The following MED27 variants were observed in gnomAD, a reference collection of about 807,000 sequenced individuals.
MED27 encodes the protein mediator complex subunit 27.
In MED27, 30 loss-of-function variants were observed where a neutral mutation model predicts 38.2. The observed-to-expected ratio is 0.79, with a 90% CI of 0.59 to 1.07. The LOEUF (loss-of-function observed/expected upper bound fraction) is 1.07, where lower values mean the gene tolerates loss of function less well. MED27 is among the 50% of genes least tolerant of loss of function. The pLI is 0.00. For missense variants in MED27, 289 were observed against 397.5 expected (o/e 0.73, Z 2.32); for synonymous variants, 122 against 153.5 (o/e 0.79, Z 1.52).
chr9:131,912,205 C>A (rs749603057), intron 4 of MED27, among the ~76,000 whole-genome samples: 1 of 152,148 alleles, frequency 6.6e-6, no homozygotes, highest in Admixed American at 6.5e-5. Context: ...TGTGGTCAAG[C>A]ATGTCCAGGA....
chr9:131,915,429 G>A (rs1029936300), intron 4 of MED27, among the ~76,000 whole-genome samples: 5 of 152,226 alleles, frequency 3.3e-5, no homozygotes, highest in African/African-American at 1.2e-4. Context: ...GCAGACACAA[G>A]AACTGTCACC....
In MED27 at chr9:131,860,512, G is replaced by A. The variant is rs751407431; in HGVS notation, c.*26C>T. 2.0e-4 allele frequency: 303 copies of A among 1,496,330 alleles called. No homozygotes were observed. Among genetic ancestry groups the A allele is most frequent in the Non-Finnish European group, 2.6e-4 (290 of 1,123,094 alleles). The allele number at this position is 1,496,330 out of a possible 1,614,324, so 92.7% of individuals were successfully genotyped here. Reference sequence around the variant, plus strand: ...CGTGTCTGGGAAGGTGCTGGGTGGGGTCTGAGGCTGGGGCCAGCGTGGGGG... The same window carrying A: ...CGTGTCTGGGAAGGTGCTGGGTGGGATCTGAGGCTGGGGCCAGCGTGGGGG... On this transcript the variant is annotated 3_prime_UTR_variant, in exon 8 of 8. Coordinates refer to ENST00000292035, the MANE Select transcript of MED27 (RefSeq NM_004269.4). This position sits in a 1 kb window ranked among gnomAD's most constrained non-coding sequence, Gnocchi z 5.8.
chr9:131,860,399 G>GCA lies in MED27; in HGVS notation c.*137_*138dup. ...AGTCTGCTCTTCAAGAGTGGCCTCT[G>GCA]CACACATGGCGCTGCTTTATGAAAG... is the stretch of plus-strand genomic sequence containing the variant. On this transcript the variant is annotated 3_prime_UTR_variant, in exon 8 of 8. Transcript: ENST00000292035. This position sits in a 1 kb window ranked among gnomAD's most constrained non-coding sequence, Gnocchi z 5.8. 9.8e-7 allele frequency: 1 copy of GCA among 1,016,248 alleles called. No individual in the cohort carries two copies. The highest frequency in any genetic ancestry group is 1.8e-5 in the South Asian group (1 of 54,614). 63.0% of individuals were successfully genotyped at this position (1,016,248 alleles called of 1,614,324 possible). A position where few individuals can be genotyped will look rare whatever the true frequency, so the allele number is the denominator to read the frequency against.
chr9:132,053,700 A>G (rs192243823), intron 2 of MED27, among the ~76,000 whole-genome samples: 10 of 152,212 alleles, frequency 6.6e-5, no homozygotes, highest in Admixed American at 6.5e-4. Flanking sequence ...ACTCTGGGCC[A>G]CACTCCCCAT....
intron 4 of MED27, among the ~76,000 whole-genome samples, chr9:131,921,484 C>T (rs1236085953): frequency 2.6e-5 from 4 of 152,170 alleles, no homozygotes; most frequent in Admixed American, 2.0e-4. Flanking sequence ...GATACCATCT[C>T]GCACCAGTTA....
chr9:132,004,278 A>G (rs1052154459), intron 3 of MED27, among the ~76,000 whole-genome samples: 8 of 152,222 alleles, frequency 5.3e-5, no homozygotes, highest in African/African-American at 1.9e-4. Context: ...CATTTAAAAC[A>G]AAATGTCCCT....
At chr9:131,864,012 A>G (rs1838695420) in intron 6 of MED27, among the ~76,000 whole-genome samples, 1 of 152,184 alleles carries the variant, frequency 6.6e-6, no homozygotes, top group South Asian at 2.1e-4. Flanking sequence ...CCAAGGAGCA[A>G]AGGGGCTGGC....
intron 4 of MED27, among the ~76,000 whole-genome samples, chr9:131,901,326 G>C (rs78095714): frequency 6.6e-6 from 1 of 152,288 alleles, no homozygotes; most frequent in Non-Finnish European, 1.5e-5. Context: ...CTGATTCACA[G>C]AATCATAGAA....
rs568100567 is a variant in MED27, at chr9:131,860,231, C to T, written c.*307G>A. ...AAGGGCTCATTCCAGTAACAGCTCG[C>T]GGAGACGACAGACACCAGCACTGCC... On this transcript the variant is annotated 3_prime_UTR_variant, in exon 8 of 8. Transcript: ENST00000292035. The surrounding 1 kb of genome is among the most constrained non-coding windows in gnomAD (Gnocchi z 5.8). 1.4e-5 allele frequency: 4 copies of T among 281,998 alleles called. No homozygotes were observed. The highest frequency in any genetic ancestry group is 4.4e-5 in the African/African-American group (2 of 45,840). The allele number at this position is 281,998 out of a possible 1,614,324, so 17.5% of individuals were successfully genotyped here.
At chr9:131,969,924 G>A (rs982951071) in intron 3 of MED27, among the ~76,000 whole-genome samples, 2 of 152,232 alleles carry the variant, frequency 1.3e-5, no homozygotes, top group East Asian at 3.9e-4. Flanking sequence ...GCATATAGGT[G>A]GGCAGCACCA....
intron 3 of MED27, among the ~76,000 whole-genome samples, chr9:131,974,467 T>A (rs1226286651): frequency 6.6e-6 from 1 of 152,160 alleles, no homozygotes; most frequent in Non-Finnish European, 1.5e-5. Context: ...CCCAGGACAC[T>A]GGGGATGTGT....
At chr9:131,949,423 ACTC>A (rs1356146238) in intron 3 of MED27, among the ~76,000 whole-genome samples, 1 of 151,652 alleles carries the variant, frequency 6.6e-6, no homozygotes, top group Non-Finnish European at 1.5e-5. Flanking sequence ...CAAGCAGAAA[ACTC>A]CTGTTTTACA....
intron 4 of MED27, among the ~76,000 whole-genome samples, chr9:131,903,965 C>G (rs1830002808): frequency 6.7e-6 from 1 of 149,872 alleles, no homozygotes; most frequent in South Asian, 2.1e-4. Flanking sequence ...GTGGCGTGAT[C>G]TCGGCTCACT....
At chr9:132,007,277 CTT>C (rs953209260) in intron 3 of MED27, among the ~76,000 whole-genome samples, 71 of 152,302 alleles carry the variant, frequency 4.7e-4, no homozygotes, top group African/African-American at 1.9e-4. Flanking sequence ...CTCTCTCTCT[CTT>C]GAAAGTATTA....
chr9:132,065,894 A>G (rs1033055215), intron 2 of MED27, among the ~76,000 whole-genome samples: 4 of 152,232 alleles, frequency 2.6e-5, no homozygotes, highest in African/African-American at 9.6e-5. Flanking sequence ...ATTCCCTTTT[A>G]TAGCTGCCAA....
At chr9:131,974,546 T>A (rs1831562346) in intron 3 of MED27, among the ~76,000 whole-genome samples, 1 of 152,158 alleles carries the variant, frequency 6.6e-6, no homozygotes, top group African/African-American at 2.4e-5. Flanking sequence ...AAAGTTTAAT[T>A]CTCTCATTTA....
intron 2 of MED27, 87 bp downstream of exon 2, chr9:132,077,355 A>G: frequency 7.5e-7 from 1 of 1,328,710 alleles, no homozygotes; most frequent in East Asian, 2.3e-5. Flanking sequence ...AAAAAGCAAT[A>G]AAAACATACT....
intron 4 of MED27, among the ~76,000 whole-genome samples, chr9:131,898,468 G>C (rs1397957313): frequency 6.6e-6 from 1 of 152,086 alleles, no homozygotes; most frequent in Non-Finnish European, 1.5e-5. Context: ...ACCCGCCCTC[G>C]GCCTCCCAAA....
intron 2 of MED27, among the ~76,000 whole-genome samples, chr9:132,060,785 C>T (rs559615455): frequency 5.3e-5 from 8 of 152,254 alleles, no homozygotes; most frequent in African/African-American, 1.4e-4. Flanking sequence ...CCCGCCTCTA[C>T]TAAAAATACA....
Sources: gnomAD v4.1 joint callset for allele counts (sites outside exome capture counted in the v4.1 genomes callset) on GRCh38, gnomAD v4.1.1 for gene constraint, Gnocchi (gnomAD v3.1) non-coding constraint, MANE v1.5 for transcripts, NCBI Gene and HGNC (gene_info 2026-07-23, HGNC 2026-07-21) for gene names.